Variants in SLC24A3 observed in about 807,000 individuals in gnomAD.
SLC24A3 encodes the protein solute carrier family 24 member 3.
A neutral mutation model predicts 75.8 loss-of-function variants in SLC24A3; 28 were observed. That is an observed-to-expected ratio of 0.37 (90% CI 0.27 to 0.51). The LOEUF (loss-of-function observed/expected upper bound fraction) is 0.51, where lower values mean the gene tolerates loss of function less well. SLC24A3 is among the 20% of genes least tolerant of loss of function. SLC24A3 has a pLI of 0.94. For missense variants in SLC24A3, 663 were observed against 847.8 expected (o/e 0.78, Z 2.71); for synonymous variants, 372 against 334.1 (o/e 1.11, Z -1.24).
At chr20:19,654,428 T>TC (rs2032241804) in intron 7 of SLC24A3, among the ~76,000 whole-genome samples, 1 of 151,782 alleles carries the variant, frequency 6.6e-6, no homozygotes, top group Admixed American at 6.6e-5. Flanking sequence ...TTCATTGGCG[T>TC]CCCTAGCTTT....
intron 3 of SLC24A3, among the ~76,000 whole-genome samples, chr20:19,526,889 C>T (rs549348233): frequency 6.6e-6 from 1 of 152,302 alleles, no homozygotes; most frequent in South Asian, 2.1e-4. Flanking sequence ...TTGAGCACAG[C>T]AGGGCATTTA....
intron 1 of SLC24A3, chr20:19,213,192 G>A (rs1274719085): frequency 9.0e-6 from 4 of 446,736 alleles, no homozygotes; most frequent in Non-Finnish European, 1.4e-5. Flanking sequence ...CCAGCAGCCA[G>A]CAGGCTTAGG....
At chr20:19,325,761 C>CATATATATATATAT (rs1568589782) in intron 2 of SLC24A3, among the ~76,000 whole-genome samples, 1 of 44,454 alleles carries the variant, frequency 2.2e-5, no homozygotes, top group African/African-American at 1.1e-4. Flanking sequence ...TGTATACATA[C>CATATATATATATAT]ATACATATAT....
chr20:19,313,407 C>T (rs1435760471), intron 2 of SLC24A3, among the ~76,000 whole-genome samples: 1 of 152,124 alleles, frequency 6.6e-6, no homozygotes, highest in East Asian at 1.9e-4. Flanking sequence ...CGGAGCTGCT[C>T]CTCCACCCAG....
intron 2 of SLC24A3, among the ~76,000 whole-genome samples, chr20:19,415,433 T>C (rs1007825272): frequency 1.3e-5 from 2 of 152,176 alleles, no homozygotes; most frequent in African/African-American, 4.8e-5. Flanking sequence ...AAGTCCACTC[T>C]CCCGCATGTC....
intron 1 of SLC24A3, among the ~76,000 whole-genome samples, chr20:19,218,471 G>A (rs1033309059): frequency 6.6e-6 from 1 of 152,142 alleles, no homozygotes; most frequent in South Asian, 2.1e-4. Flanking sequence ...TAGAAGACGG[G>A]GAATCACCCT....
At chr20:19,524,496 A>G (rs1600265576) in intron 3 of SLC24A3, among the ~76,000 whole-genome samples, 1 of 152,280 alleles carries the variant, frequency 6.6e-6, no homozygotes, top group South Asian at 2.1e-4. Context: ...ATGGTGGTAG[A>G]GGAGACATAA....
chr20:19,525,319 G>A (rs2030178393), intron 3 of SLC24A3, among the ~76,000 whole-genome samples: 1 of 152,246 alleles, frequency 6.6e-6, no homozygotes, highest in South Asian at 2.1e-4. Context: ...CAAGACAGCT[G>A]TCTCAGGCTG....
chr20:19,540,136 C>T (rs2030469658), intron 3 of SLC24A3, among the ~76,000 whole-genome samples: 2 of 152,152 alleles, frequency 1.3e-5, no homozygotes, highest in Admixed American at 6.5e-5. Flanking sequence ...GAGCCCCTTC[C>T]AGTGTCCTTC....
chr20:19,313,922 A>C (rs1984518771), intron 2 of SLC24A3, among the ~76,000 whole-genome samples: 1 of 152,190 alleles, frequency 6.6e-6, no homozygotes. Flanking sequence ...GATACATCTT[A>C]AAGGATGGGC....
At chr20:19,425,505 T>G (rs1232854000) in intron 2 of SLC24A3, among the ~76,000 whole-genome samples, 1 of 152,210 alleles carries the variant, frequency 6.6e-6, no homozygotes, top group Non-Finnish European at 1.5e-5. Context: ...GTCAAACATT[T>G]TTGGCAAAAG....
chr20:19,482,895 G>A (rs1315577774), intron 2 of SLC24A3, among the ~76,000 whole-genome samples: 1 of 152,186 alleles, frequency 6.6e-6, no homozygotes, highest in Non-Finnish European at 1.5e-5. Context: ...GAATTCAATT[G>A]CAAGGTTTAT....
At chr20:19,537,873 C>G (rs1304962593) in intron 3 of SLC24A3, among the ~76,000 whole-genome samples, 1 of 93,514 alleles carries the variant, frequency 1.1e-5, no homozygotes, top group African/African-American at 4.4e-5. Flanking sequence ...CACCGGGGAC[C>G]GTTGTGGGGT....
chr20:19,472,766 A>G (rs1387868557), intron 2 of SLC24A3, among the ~76,000 whole-genome samples: 1 of 152,192 alleles, frequency 6.6e-6, no homozygotes, highest in Non-Finnish European at 1.5e-5. Context: ...TGCCTGAAAT[A>G]CAGGGGTGTG....
intron 2 of SLC24A3, among the ~76,000 whole-genome samples, chr20:19,378,606 C>T (rs1203438016): frequency 3.3e-5 from 5 of 152,124 alleles, no homozygotes; most frequent in South Asian, 2.1e-4. Context: ...CTGTTTTCTT[C>T]AGTAAGATTT....
chr20:19,575,602 C>T (rs1456863333), intron 3 of SLC24A3, among the ~76,000 whole-genome samples: 3 of 152,192 alleles, frequency 2.0e-5, no homozygotes, highest in Non-Finnish European at 4.4e-5. Context: ...TCTCTAAATG[C>T]CTATCATTCA....
intron 1 of SLC24A3, among the ~76,000 whole-genome samples, chr20:19,217,784 C>G (rs1428013375): frequency 6.6e-6 from 1 of 152,172 alleles, no homozygotes; most frequent in African/African-American, 2.4e-5. Context: ...TTCTTCCGAT[C>G]TCAGATTCCT....
intron 1 of SLC24A3, among the ~76,000 whole-genome samples, chr20:19,223,928 G>A (rs937365376): frequency 8.5e-5 from 13 of 152,186 alleles, no homozygotes; most frequent in Non-Finnish European, 1.6e-4. Context: ...TGTCCCAGGC[G>A]GGACAGAGCA....
At chr20:19,443,149 T>G (rs1268468498) in intron 2 of SLC24A3, among the ~76,000 whole-genome samples, 1 of 152,190 alleles carries the variant, frequency 6.6e-6, no homozygotes, top group African/African-American at 2.4e-5. Context: ...TCCAATAGTG[T>G]GTTGGCTCTT....
Sources: allele counts gnomAD v4.1 joint callset (sites outside exome capture counted in the v4.1 genomes callset), GRCh38; gene constraint gnomAD v4.1.1; transcripts MANE v1.5; gene names NCBI Gene and HGNC (gene_info 2026-07-23, HGNC 2026-07-21).